Variants in RNGTT observed in about 807,000 individuals in gnomAD.
RNGTT encodes the protein RNA guanylyltransferase and 5'-phosphatase.
RNGTT carries 33 observed loss-of-function variants against 79.3 expected under a neutral mutation model. The ratio of observed to expected loss-of-function variants is 0.42; its 90% confidence interval spans 0.32 to 0.56. RNGTT has a LOEUF of 0.56. RNGTT is among the 20% of genes least tolerant of loss of function. RNGTT has a pLI of 0.17. For missense variants in RNGTT, 497 were observed against 739.1 expected, an observed-to-expected ratio of 0.67 and a Z score of 3.80; for synonymous variants, 222 against 235.9, an observed-to-expected ratio of 0.94 and a Z score of 0.54.
chr6:88,843,622 A>G (rs1264409066), intron 11 of RNGTT, among the ~76,000 whole-genome samples: 4 of 138,458 alleles, frequency 2.9e-5, no homozygotes, highest in Admixed American at 8.0e-5. Context: ...GCAATGGCGC[A>G]ATCTCGGCTC....
chr6:88,891,943 G>A (rs746511775), intron 6 of RNGTT, 28 bp from the exon 7 acceptor site: 31 of 1,404,388 alleles, frequency 2.2e-5, no homozygotes, highest in African/African-American at 2.1e-4. Context: ...GAAAAATAAG[G>A]GAAAGAAAAA....
intron 13 of RNGTT, among the ~76,000 whole-genome samples, chr6:88,739,730 TATATATATATATATATATATATATA>T (rs1777410466): frequency 7.2e-4 from 9 of 12,534 alleles, no homozygotes; most frequent in African/African-American, 2.2e-3. Flanking sequence ...AAAAATTATA[TATATATATATATATATATATATATA>T]TATATATATA....
intron 8 of RNGTT, among the ~76,000 whole-genome samples, chr6:88,876,610 A>G (rs965555187): frequency 9.9e-5 from 15 of 152,236 alleles, no homozygotes; most frequent in Admixed American, 3.9e-4. Flanking sequence ...TAAATGTTCA[A>G]TAAATATTTG....
At chr6:88,721,149 C>A (rs911837541) in intron 13 of RNGTT, among the ~76,000 whole-genome samples, 1 of 151,896 alleles carries the variant, frequency 6.6e-6, no homozygotes, top group Non-Finnish European at 1.5e-5. Context: ...TATATTTATC[C>A]TAAGCAATTT....
intron 13 of RNGTT, among the ~76,000 whole-genome samples, chr6:88,698,282 C>CAT (rs775896582): frequency 0.052 from 4,842 of 92,990 alleles, 620 homozygotes; most frequent in South Asian, 0.1. Context: ...ATATATATTT[C>CAT]ATATATATCA....
At chr6:88,746,633 T>A (rs1405771817) in intron 13 of RNGTT, among the ~76,000 whole-genome samples, 1 of 152,158 alleles carries the variant, frequency 6.6e-6, no homozygotes, top group Admixed American at 6.5e-5. Flanking sequence ...TGTGCTCCTA[T>A]GAGAATCTAA....
chr6:88,764,627 T>C (rs1778389681), intron 13 of RNGTT, among the ~76,000 whole-genome samples: 2 of 152,238 alleles, frequency 1.3e-5, no homozygotes, highest in Non-Finnish European at 2.9e-5. Flanking sequence ...TTCTTATTTG[T>C]TTGTATATAC....
chr6:88,644,181 T>C (rs1164370067), intron 14 of RNGTT, among the ~76,000 whole-genome samples: 1 of 152,080 alleles, frequency 6.6e-6, no homozygotes, highest in African/African-American at 2.4e-5. Flanking sequence ...TCACCACCGA[T>C]CCCACAGAAA....
At chr6:88,819,344 G>T (rs994113668) in intron 11 of RNGTT, among the ~76,000 whole-genome samples, 1 of 152,024 alleles carries the variant, frequency 6.6e-6, no homozygotes, top group Non-Finnish European at 1.5e-5. Flanking sequence ...AAGGCAAGGC[G>T]GGGCTCATGA....
At chr6:88,814,669 T>C (rs1033982948) in intron 11 of RNGTT, among the ~76,000 whole-genome samples, 26 of 152,264 alleles carry the variant, frequency 1.7e-4, no homozygotes, top group African/African-American at 6.0e-4. Context: ...AGTAAGTACT[T>C]TTGAAATGAA....
In RNGTT at chr6:88,838,891, T is replaced by C. The variant is rs547505966; in HGVS notation, c.1269+5466A>G. Among the ~76,000 whole-genome samples, 4 of 152,242 alleles carry C rather than the reference T, an allele frequency of 2.6e-5. No homozygotes were observed. The East Asian group carries it at 7.7e-4, about 29-fold the overall frequency. ...ACCAAAAATAATCAAGACAGTATGGTACTTGAGTAAAGACAGCCAAATAGA... is the reference window on the plus strand; with the variant it reads ...ACCAAAAATAATCAAGACAGTATGGCACTTGAGTAAAGACAGCCAAATAGA... On this transcript the variant is annotated intron_variant, in intron 11 of 15. Coordinates refer to ENST00000369485, the MANE Select transcript of RNGTT (RefSeq NM_003800.5).
At chr6:88,675,055 G>A (rs1774812737) in intron 14 of RNGTT, among the ~76,000 whole-genome samples, 1 of 150,960 alleles carries the variant, frequency 6.6e-6, no homozygotes. Flanking sequence ...CCGAGATTGT[G>A]CCACTGCACT....
intron 8 of RNGTT, among the ~76,000 whole-genome samples, chr6:88,862,333 C>T (rs976950237): frequency 6.6e-6 from 1 of 152,226 alleles, no homozygotes; most frequent in African/African-American, 2.4e-5. Flanking sequence ...ATGGTTTACT[C>T]CCTCACGCCT....
intron 1 of RNGTT, among the ~76,000 whole-genome samples, chr6:88,962,975 C>T (rs991837783): frequency 6.7e-6 from 1 of 149,068 alleles, no homozygotes; most frequent in Admixed American, 6.6e-5. Context: ...CTCCTTAACC[C>T]TCCTCCATCT....
At chr6:88,748,187 C>A (rs1777725751) in intron 13 of RNGTT, among the ~76,000 whole-genome samples, 1 of 152,006 alleles carries the variant, frequency 6.6e-6, no homozygotes, top group Non-Finnish European at 1.5e-5. Flanking sequence ...AAAAAAAAGT[C>A]AAATCGAATG....
At chr6:88,881,661 A>G (rs1213377215) in intron 8 of RNGTT, among the ~76,000 whole-genome samples, 1 of 152,216 alleles carries the variant, frequency 6.6e-6, no homozygotes, top group Non-Finnish European at 1.5e-5. Flanking sequence ...AAGCCCTGCC[A>G]TACCTGTCTC....
rs757353736 is a variant in RNGTT at position 88,963,335 on chromosome 6, G to A, written c.64+11C>T. On this transcript the variant is annotated intron_variant, in intron 1 of 15. Transcript: ENST00000369485. Reference sequence around the variant, plus strand: ...AGTGTGGGGATTCGAACGCCCCCCAGTCCAGGTTACCTGCCACCGGCTGGC... The same window carrying A: ...AGTGTGGGGATTCGAACGCCCCCCAATCCAGGTTACCTGCCACCGGCTGGC... 6.2e-6 allele frequency: 10 copies of A among 1,612,052 alleles called. No individual in the cohort carries two copies. The South Asian group carries it at 1.1e-4, about 18-fold the overall frequency.
intron 14 of RNGTT, among the ~76,000 whole-genome samples, chr6:88,625,201 A>G (rs1245860232): frequency 6.6e-6 from 1 of 151,958 alleles, no homozygotes; most frequent in Non-Finnish European, 1.5e-5. Context: ...TACATTTACC[A>G]TAAGAGCCGG....
At chr6:88,612,913 A>G (rs1304404107) in intron 15 of RNGTT, 31 bp from the exon 16 acceptor site, 2 of 1,600,512 alleles carry the variant, frequency 1.2e-6, no homozygotes, top group Admixed American at 3.4e-5. Context: ...GTCTCATGTG[A>G]GGGTTAATTA....
Sources: gnomAD v4.1 joint callset for allele counts (sites outside exome capture counted in the v4.1 genomes callset) on GRCh38, gnomAD v4.1.1 for gene constraint, MANE v1.5 for transcripts, NCBI Gene and HGNC (gene_info 2026-07-23, HGNC 2026-07-21) for gene names.